Variants in DPP6 observed in about 807,000 individuals in gnomAD.
DPP6 encodes A-type potassium channel modulatory protein DPP6.
A neutral mutation model predicts 122.6 loss-of-function variants in DPP6; 69 were observed. The ratio of observed to expected loss-of-function variants is 0.56; its 90% CI spans 0.46 to 0.69. The LOEUF is 0.69. Among genes scored for constraint, DPP6 ranks in the 30% least tolerant of loss-of-function variants. DPP6 has a pLI of 0.00. For missense variants in DPP6, 928 were observed against 1,116.9 expected (o/e 0.83, Z 2.41); for synonymous variants, 418 against 433.1 (o/e 0.97, Z 0.43).
chr7:154,493,155 G>T (rs754855330), intron 3 of DPP6, among the ~76,000 whole-genome samples: 1 of 152,208 alleles, frequency 6.6e-6, no homozygotes, highest in Non-Finnish European at 1.5e-5. Context: ...CCCCAAGGCT[G>T]CTGCAAGAGC....
chr7:154,766,943 C>T (rs1451901333), intron 8 of DPP6, among the ~76,000 whole-genome samples: 2 of 152,126 alleles, frequency 1.3e-5, no homozygotes, highest in Non-Finnish European at 2.9e-5. Context: ...GTGGAACCTA[C>T]GGGGTAGGAA....
chr7:154,042,739 C>T (rs1159727400), intron 1 of DPP6, among the ~76,000 whole-genome samples: 1 of 152,218 alleles, frequency 6.6e-6, no homozygotes, highest in African/African-American at 2.4e-5. Flanking sequence ...ACTAGAATTG[C>T]ATTACATTTA....
chr7:153,770,341 G>T, the DPP6 span, among the ~76,000 whole-genome samples: 1 of 152,138 alleles, frequency 6.6e-6, no homozygotes, highest in Admixed American at 6.5e-5. Flanking sequence ...ACACTCCCAA[G>T]ACCAAAGAAC....
intron 8 of DPP6, among the ~76,000 whole-genome samples, chr7:154,761,943 T>C (rs939233720): frequency 6.6e-5 from 10 of 152,138 alleles, no homozygotes; most frequent in African/African-American, 2.4e-4. Context: ...GAACATGCAG[T>C]GTTTGGTTTT....
chr7:154,714,432 A>G (rs1390697845), intron 7 of DPP6, among the ~76,000 whole-genome samples: 6 of 152,208 alleles, frequency 3.9e-5, no homozygotes, highest in Non-Finnish European at 8.8e-5. Context: ...TAGTTTATAA[A>G]AGAAGGAGGT....
At chr7:153,848,155 G>A in the DPP6 span, among the ~76,000 whole-genome samples, 3 of 152,162 alleles carry the variant, frequency 2.0e-5, no homozygotes, top group African/African-American at 7.2e-5. Flanking sequence ...GCCCTGACAA[G>A]CTAGCGCTGA....
At chr7:154,587,053 C>G (rs921052485) in intron 5 of DPP6, 3 of 152,544 alleles carry the variant, frequency 2.0e-5, no homozygotes, top group African/African-American at 4.8e-5. Flanking sequence ...TGCTAAGTCA[C>G]AGGCTTTCTT....
chr7:154,808,735 G>A (rs971802919), intron 16 of DPP6, among the ~76,000 whole-genome samples: 1 of 152,142 alleles, frequency 6.6e-6, no homozygotes, highest in African/African-American at 2.4e-5. Context: ...ATAGGGATTG[G>A]GAAAATGTGG....
intron 1 of DPP6, among the ~76,000 whole-genome samples, chr7:153,987,875 A>G (rs1263814846): frequency 6.6e-6 from 1 of 152,156 alleles, no homozygotes; most frequent in East Asian, 1.9e-4. Context: ...GATATAATTT[A>G]TGAGAGCGAG....
intron 3 of DPP6, among the ~76,000 whole-genome samples, chr7:154,503,751 G>A (rs1021204981): frequency 1.3e-5 from 2 of 152,170 alleles, no homozygotes; most frequent in Non-Finnish European, 2.9e-5. Flanking sequence ...GCTTACAGAT[G>A]TTTTTGAGAC....
intron 1 of DPP6, among the ~76,000 whole-genome samples, chr7:154,063,014 G>A (rs1358733352): frequency 7.4e-6 from 1 of 135,340 alleles, no homozygotes; most frequent in African/African-American, 2.7e-5. Flanking sequence ...TCCCCCCCTG[G>A]CTCTGAGGAA....
chr7:154,017,719 TAAAAA>T (rs1365239601), intron 1 of DPP6, among the ~76,000 whole-genome samples: 2 of 83,738 alleles, frequency 2.4e-5, no homozygotes, highest in East Asian at 3.0e-4. Flanking sequence ...AAAAAAAAAA[TAAAAA>T]AATAAAAAAA....
chr7:154,464,321 C>T (rs144236384), intron 2 of DPP6, among the ~76,000 whole-genome samples: 453 of 152,334 alleles, frequency 3.0e-3, no homozygotes, highest in Non-Finnish European at 5.1e-3. Flanking sequence ...ACAACTGCTG[C>T]CAGGGGATGA....
intron 1 of DPP6, among the ~76,000 whole-genome samples, chr7:153,923,790 C>A (rs549200799): frequency 4.2e-5 from 6 of 141,568 alleles, no homozygotes; most frequent in Non-Finnish European, 9.1e-5. Flanking sequence ...AAAGAAGATT[C>A]CTTCATCTTA....
chr7:154,379,141 C>T lies in DPP6; in HGVS notation c.244-67073C>T, dbSNP rs141407909. Among the ~76,000 whole-genome samples the T allele has an allele frequency of 1.3e-4, 20 of 152,298 alleles. No individual in the cohort carries two copies. In the East Asian group the frequency reaches 3.7e-3, roughly 28 times the overall value. ...GGGACACAACATTCAGTCCATAACACATGTGTTGATAATTACAACTCGGTT... is the reference window on the plus strand; with the variant it reads ...GGGACACAACATTCAGTCCATAACATATGTGTTGATAATTACAACTCGGTT... On this transcript the variant is annotated intron_variant, in intron 1 of 25. Coordinates refer to ENST00000377770, the MANE Select transcript of DPP6 (RefSeq NM_130797.4).
At chr7:154,207,762 C>G (rs572289857) in intron 1 of DPP6, among the ~76,000 whole-genome samples, 2 of 152,214 alleles carry the variant, frequency 1.3e-5, no homozygotes, top group South Asian at 4.1e-4. Context: ...CCCAGAGAAT[C>G]TTTTTTTGGA....
chr7:154,074,585 A>G (rs1163835387), intron 1 of DPP6, among the ~76,000 whole-genome samples: 2 of 152,232 alleles, frequency 1.3e-5, no homozygotes, highest in African/African-American at 2.4e-5. Flanking sequence ...GCAGCTGTCC[A>G]TGAAGTAACG....
At chr7:154,517,570 A>G (rs1362878408) in intron 3 of DPP6, among the ~76,000 whole-genome samples, 6 of 152,132 alleles carry the variant, frequency 3.9e-5, no homozygotes, top group Non-Finnish European at 8.8e-5. Flanking sequence ...CTGTACTTGT[A>G]TGAGAGTTAC....
chr7:154,176,829 A>T (rs753840469), intron 1 of DPP6, among the ~76,000 whole-genome samples: 10 of 150,476 alleles, frequency 6.6e-5, no homozygotes, highest in Non-Finnish European at 1.5e-4. Context: ...AGTGGAAATC[A>T]TTTTTTTTTC....
Sources: gnomAD v4.1 joint callset for allele counts (sites outside exome capture counted in the v4.1 genomes callset) on GRCh38, gnomAD v4.1.1 for gene constraint, MANE v1.5 for transcripts, NCBI Gene and HGNC (gene_info 2026-07-23, HGNC 2026-07-21) for gene names.